CYP4V2: variants seen among roughly 807,000 people sequenced by gnomAD.
CYP4V2 encodes cytochrome P450 4V2.
Under a neutral mutation model 60.8 loss-of-function variants are expected in CYP4V2, and 55 were observed. That is an observed-to-expected ratio of 0.90 (90% CI 0.73 to 1.13). The LOEUF is 1.13. Among genes scored for constraint, CYP4V2 ranks in the 50% most tolerant of loss-of-function variants. CYP4V2 has a pLI of 0.00. For synonymous variants in CYP4V2, 239 were observed against 236.8 expected, an observed-to-expected ratio of 1.01 and a Z score of -0.08; for missense variants, 675 against 662.9, an observed-to-expected ratio of 1.02 and a Z score of -0.20.
chr4:186,192,361 G>C, intron 1 of CYP4V2: 1 of 564,658 alleles, frequency 1.8e-6, no homozygotes, highest in Non-Finnish European at 3.4e-6. Flanking sequence ...GAAGCCTTAG[G>C]AACAGAAGCT....
chr4:186,196,352 T>A (rs1359884636), intron 3 of CYP4V2: 11 of 491,458 alleles, frequency 2.2e-5, no homozygotes, highest in Non-Finnish European at 3.7e-5. Context: ...GAGGTCCTGA[T>A]GGACGGGAGT....
intron 7 of CYP4V2, chr4:186,203,063 TAC>T: frequency 1.1e-5 from 1 of 90,002 alleles, no homozygotes; most frequent in South Asian, 3.3e-4. Context: ...TGCACATATA[TAC>T]ACACATGCAC....
At chr4:186,202,858 GCA>G (rs1434978067) in intron 7 of CYP4V2, 32 of 146,828 alleles carry the variant, frequency 2.2e-4, no homozygotes, top group African/African-American at 7.2e-4. Flanking sequence ...ACACACACAT[GCA>G]CACATATACC....
chr4:186,197,348 A>G, intron 4 of CYP4V2, 185 bp from the exon 5 acceptor site: 1 of 835,606 alleles, frequency 1.2e-6, no homozygotes, highest in Admixed American at 2.0e-5. Flanking sequence ...GGCGAAGGGA[A>G]GGAAGAACAG....
At chr4:186,198,868 T>C in intron 5 of CYP4V2, 89 bp from the exon 6 acceptor site, 1 of 1,595,556 alleles carries the variant, frequency 6.3e-7, no homozygotes, top group Non-Finnish European at 8.6e-7. Flanking sequence ...ATTCCCACGA[T>C]TGCCTTCATC....
At chr4:186,192,854 C>T (rs961171905) in intron 1 of CYP4V2, among the ~76,000 whole-genome samples, 1 of 152,026 alleles carries the variant, frequency 6.6e-6, no homozygotes, top group Non-Finnish European at 1.5e-5. Context: ...TAAAATTGGC[C>T]CAGACCAGAA....
At chr4:186,197,280 G>C (rs1180651458) in intron 4 of CYP4V2, 150 bp downstream of exon 4, 27 of 1,017,702 alleles carry the variant, frequency 2.7e-5, no homozygotes, top group Non-Finnish European at 3.8e-5. Flanking sequence ...GCCTTCTGAG[G>C]AGCAGCAGCC....
At position 186,201,177 on chromosome 4, in the gene CYP4V2, T is replaced by G; in HGVS notation, c.822T>G (p.Asn274Lys). 2 of 1,614,126 alleles carry G rather than the reference T, an allele frequency of 1.2e-6. No individual in the cohort carries two copies. The highest frequency in any genetic ancestry group is 1.7e-6 in the Non-Finnish European group (2 of 1,180,020). The change falls in exon 7 of 11, where the codon AAT becomes AAG. Residue 274 changes from asparagine to lysine, a missense_variant. Asn to Lys is a moderately conservative substitution (Grantham distance 94). Transcript: ENST00000378802. ...TACAGGTCATCGCTGAACGGGCCAA[T>G]GAAATGAACGCCAATGAAGACTGTA... ...FTNSVIAERA[N>K]EMNANEDCRG...
intron 8 of CYP4V2, among the ~76,000 whole-genome samples, chr4:186,207,534 TATATA>T (rs1176900750): frequency 6.8e-6 from 1 of 147,626 alleles, no homozygotes; most frequent in Non-Finnish European, 1.5e-5. Context: ...TATTAAAAAT[TATATA>T]ATATATAAAA....
rs1300900196 is a variant in CYP4V2 at position 186,191,729 on chromosome 4, G to A, written c.-95G>A. On this transcript the variant is annotated 5_prime_UTR_variant, in exon 1 of 11. Transcript: ENST00000378802. The stretch of plus-strand genomic sequence containing the variant: ...GCGGGGAGCGCGCCAGGTCCGCGCG[G>A]GGAAGTGGGCGGTGTGCGGCCGGCA... The A allele has an allele frequency of 1.5e-5, 18 of 1,182,550 alleles. No individual in the cohort carries two copies. In the East Asian group the frequency reaches 5.9e-4, roughly 39 times the overall value. The allele number at this position is 1,182,550 out of a possible 1,614,324, so 73.3% of individuals were successfully genotyped here. A position where few individuals can be genotyped will look rare whatever the true frequency, so the allele number is the denominator to read the frequency against.
chr4:186,202,778 A>C (rs530321863), intron 7 of CYP4V2: 1 of 151,676 alleles, frequency 6.6e-6, no homozygotes, highest in Non-Finnish European at 1.5e-5. Flanking sequence ...ACATATGTAT[A>C]TCCACATGCG....
chr4:186,209,466 G>T (rs72646294), intron 10 of CYP4V2, among the ~76,000 whole-genome samples, 194 bp downstream of exon 10: 1 of 152,042 alleles, frequency 6.6e-6, no homozygotes, highest in African/African-American at 2.4e-5. Flanking sequence ...TAGTATATTC[G>T]CCTGCATGGG....
In CYP4V2 at chr4:186,204,674, G is replaced by C. The variant is rs145695434; in HGVS notation, c.988-526G>C. Reference sequence around the variant, plus strand: ...GTAATGAGTCTTTCATGGAGTTTTTGTGCAGATTAATTCAGTTTCTGCAAA... The same window carrying C: ...GTAATGAGTCTTTCATGGAGTTTTTCTGCAGATTAATTCAGTTTCTGCAAA... On this transcript the variant is annotated intron_variant, in intron 7 of 10. Transcript: ENST00000378802. The C allele has an allele frequency of 1.5e-3, 329 of 212,736 alleles. 2 individuals are homozygous for C. Among genetic ancestry groups the C allele is most frequent in the African/African-American group, 6.9e-3 (305 of 44,060 alleles). 13.2% of individuals were successfully genotyped at this position (212,736 alleles called of 1,614,324 possible).
At chr4:186,208,626 T>G (rs7377304) in intron 8 of CYP4V2, among the ~76,000 whole-genome samples, 66,469 of 148,968 alleles carry the variant, frequency 0.45, 15,025 homozygotes, top group East Asian at 0.68. Flanking sequence ...GGTCCACGTG[T>G]TTTTCTTTGA....
Position 186,196,103 on chromosome 4 carries a change from C to A in CYP4V2, c.413+15C>A. On this transcript the variant is annotated intron_variant, in intron 3 of 10. Coordinates refer to ENST00000378802, the MANE Select transcript of CYP4V2 (RefSeq NM_207352.4). ...CTTCTTACAAGGTATGCCAGTGTAC[C>A]TTTGTAAAGCTGTCTATAGAAATGG... is the stretch of plus-strand genomic sequence containing the variant. 1 of 1,595,458 alleles carries A rather than the reference C, an allele frequency of 6.3e-7. No individual in the cohort carries two copies.
chr4:186,210,323 C>T (rs2126603198), intron 10 of CYP4V2, 146 bp from the exon 11 acceptor site: 7 of 954,426 alleles, frequency 7.3e-6, no homozygotes, highest in South Asian at 1.5e-5. Context: ...GACTCTTCAT[C>T]TTTAACAGGT....
chr4:186,209,377 C>A, intron 10 of CYP4V2, 105 bp downstream of exon 10: 4 of 1,391,624 alleles, frequency 2.9e-6, no homozygotes, highest in Admixed American at 1.9e-5. Flanking sequence ...TATGCAACAG[C>A]CTTAAAAAAA....
intron 8 of CYP4V2, among the ~76,000 whole-genome samples, chr4:186,205,976 G>A (rs1189839510): frequency 6.6e-6 from 1 of 152,164 alleles, no homozygotes; most frequent in African/African-American, 2.4e-5. Flanking sequence ...CAGCAGCGAC[G>A]TCTGTTCCCT....
At position 186,194,522 on chromosome 4, in the gene CYP4V2, G is replaced by T. The variant is rs199476185; in HGVS notation, c.237G>T (p.Glu79Asp). 70 of 1,613,994 alleles carry T rather than the reference G, an allele frequency of 4.3e-5. No homozygotes were observed. In the East Asian group the frequency reaches 1.4e-3, roughly 32 times the overall value. Reference protein sequence around the residue: ...DGREFFQQIIEYTEEYRHMPL... With the variant: ...DGREFFQQIIDYTEEYRHMPL... ...CAGAATTTTTTCAGCAGATCATTGA[G>T]TACACAGAGGAATACCGCCACATGC... is the stretch of plus-strand genomic sequence containing the variant. Residue 79 changes from glutamate to aspartate, a missense_variant, in exon 2 of 11, where the codon GAG becomes GAT. Transcript: ENST00000378802.
Sources: allele counts gnomAD v4.1 joint callset (sites outside exome capture counted in the v4.1 genomes callset), GRCh38; gene constraint gnomAD v4.1.1; transcripts MANE v1.5; gene names NCBI Gene and HGNC (gene_info 2026-07-23, HGNC 2026-07-21).